The following NOMO3 variants were observed in gnomAD, a reference collection of about 807,000 sequenced individuals.
NOMO3 encodes NODAL modulator 3.
Under a neutral mutation model 69.9 loss-of-function variants are expected in NOMO3, and 15 were observed. That is an observed-to-expected ratio of 0.21 (90% CI 0.14 to 0.33). The LOEUF is 0.33. NOMO3 is among the 10% of genes least tolerant of loss of function. The pLI is 1.00. For synonymous variants in NOMO3, 89 were observed against 301.9 expected (o/e 0.29, Z 7.31); for missense variants, 218 against 761.0 (o/e 0.29, Z 8.39).
chr16:16,235,136 C>T (rs1173498921), intron 1 of NOMO3, among the ~76,000 whole-genome samples: 1 of 150,790 alleles, frequency 6.6e-6, no homozygotes, highest in Non-Finnish European at 1.5e-5. Context: ...TTGTCACTGA[C>T]CTCAGAGAAC....
intron 16 of NOMO3, among the ~76,000 whole-genome samples, chr16:16,269,432 T>A: frequency 7.1e-6 from 1 of 140,110 alleles, no homozygotes; most frequent in Non-Finnish European, 1.5e-5. Context: ...AAACCTGATT[T>A]TTTTTTTTTT....
intron 11 of NOMO3, among the ~76,000 whole-genome samples, chr16:16,259,379 T>G (rs2049545237): frequency 7.0e-6 from 1 of 142,848 alleles, no homozygotes; most frequent in African/African-American, 2.9e-5. Context: ...GCCAGGGTCT[T>G]ACTCCGTTGC....
In NOMO3 at chr16:16,237,913, C is replaced by A. The variant is rs1234045805; in HGVS notation, c.255+923C>A. ...TTCTATTTATAGTTATTCAGATATC[C>A]ACGGGTACACATGCATATGTATATA... On this transcript the variant is annotated intron_variant, in intron 2 of 30. Transcript: ENST00000399336. 2.8e-5 allele frequency among the ~76,000 whole-genome samples: 4 copies of A among 144,494 alleles called. 1 individual carries two copies. Among genetic ancestry groups the A allele is most frequent in the African/African-American group, 1.1e-4 (4 of 36,042 alleles). 94.8% of individuals were successfully genotyped at this position (144,494 alleles called of 152,430 possible).
intron 2 of NOMO3, 149 bp downstream of exon 2, chr16:16,237,139 G>A (rs2049332993): frequency 4.8e-6 from 4 of 830,028 alleles, no homozygotes; most frequent in Non-Finnish European, 5.6e-6. Context: ...CATTTGGAGG[G>A]AGACAACTTA....
chr16:16,256,338 C>T (rs2049512209), intron 11 of NOMO3, among the ~76,000 whole-genome samples, 180 bp downstream of exon 11: 1 of 121,578 alleles, frequency 8.2e-6, no homozygotes, highest in South Asian at 2.7e-4. Context: ...TGCAGTGGTG[C>T]CATCTCGACT....
intron 9 of NOMO3, among the ~76,000 whole-genome samples, chr16:16,254,659 A>T (rs2141254398): frequency 7.0e-6 from 1 of 143,264 alleles, no homozygotes; most frequent in South Asian, 2.2e-4. Context: ...CCCTGTCTCC[A>T]TGAGGTAACA....
intron 11 of NOMO3, among the ~76,000 whole-genome samples, chr16:16,257,841 A>G (rs2141256174): frequency 7.0e-6 from 1 of 143,416 alleles, no homozygotes; most frequent in Admixed American, 6.8e-5. Flanking sequence ...AATGGAAGAC[A>G]GGGAAGCAAA....
Position 16,243,840 on chromosome 16 carries a change from T to TCAGGGATGGCCTTTTA in NOMO3, c.402+588_402+603dup, listed in dbSNP as rs532119265. On this transcript the variant is annotated intron_variant, in intron 4 of 30. Coordinates refer to ENST00000399336, the MANE Select transcript of NOMO3 (RefSeq NM_001004067.4). ...CACCCAGCCGCTGTTAGCGTTTATG[T>TCAGGGATGGCCTTTTA]CAGGGATGGCCTTTTACAGGGATGC... is the stretch of plus-strand genomic sequence containing the variant. Among the ~76,000 whole-genome samples the TCAGGGATGGCCTTTTA allele has an allele frequency of 5.0e-3, 718 of 143,384 alleles. 101 individuals carry two copies. Among genetic ancestry groups the TCAGGGATGGCCTTTTA allele is most frequent in the Middle Eastern group, 0.024 (7 of 292 alleles). The allele number at this position is 143,384 out of a possible 152,430, so 94.1% of individuals were successfully genotyped here.
intron 9 of NOMO3, among the ~76,000 whole-genome samples, chr16:16,253,738 A>G (rs1477188296): frequency 7.5e-5 from 7 of 93,670 alleles, no homozygotes; most frequent in East Asian, 3.6e-4. Flanking sequence ...TTGGACCGTG[A>G]TGGTAGGAAT....
At chr16:16,263,356 G>C (rs1450907428) in intron 13 of NOMO3, 141 bp downstream of exon 13, 6 of 1,574,722 alleles carry the variant, frequency 3.8e-6, no homozygotes, top group Non-Finnish European at 5.1e-6. Flanking sequence ...GAGTCAGGTG[G>C]GTACATGTTA....
chr16:16,255,805 C>T lies in NOMO3; in HGVS notation c.1049C>T (p.Thr350Ile), dbSNP rs374363601. Reference sequence around the variant, plus strand: ...GATGGTGTTCCAGAAGCAGTAGTCACCCTGAATAACCAAATCAAAGGTGGG... The same window carrying T: ...GATGGTGTTCCAGAAGCAGTAGTCATCCTGAATAACCAAATCAAAGGTGGG... ...EGDGVPEAVV[T>I]LNNQIKVKTK... The change falls in exon 10 of 31, where the codon ACC (threonine) becomes ATC (isoleucine). Residue 350 changes from threonine to isoleucine, a missense_variant. By Grantham distance (89) the Thr-to-Ile change is moderately conservative (BLOSUM62 -1). Coordinates refer to ENST00000399336, the MANE Select transcript of NOMO3 (RefSeq NM_001004067.4). 1.1e-4 allele frequency: 179 copies of T among 1,561,404 alleles called. 6 individuals carry two copies. Among genetic ancestry groups the T allele is most frequent in the Admixed American group, 1.4e-4 (8 of 56,900 alleles).
In NOMO3 at chr16:16,244,107, C is replaced by T. The variant is rs530831272; in HGVS notation, c.402+846C>T. 2.4e-3 allele frequency among the ~76,000 whole-genome samples: 344 copies of T among 143,230 alleles called. 31 individuals are homozygous for T. The highest frequency in any genetic ancestry group is 4.0e-3 in the African/African-American group (143 of 35,354). 94.0% of individuals were successfully genotyped at this position (143,230 alleles called of 152,430 possible). On this transcript the variant is annotated intron_variant, in intron 4 of 30. Transcript: ENST00000399336. ...AGGGGAGAGTCATTTCTCCTCCACC[C>T]GCCCTGTGCCTGCGGTTGAGATGTG...
At chr16:16,238,046 G>A (rs1285690129) in intron 2 of NOMO3, among the ~76,000 whole-genome samples, 1 of 139,902 alleles carries the variant, frequency 7.1e-6, no homozygotes, top group East Asian at 2.4e-4. Context: ...CAGATTCATA[G>A]GAAGTTGCAA....
At chr16:16,236,397 A>G (rs1361678475) in intron 1 of NOMO3, among the ~76,000 whole-genome samples, 3 of 141,304 alleles carry the variant, frequency 2.1e-5, no homozygotes, top group Non-Finnish European at 4.5e-5. Flanking sequence ...GGTGCCTGCC[A>G]CCATGCCTGG....
intron 2 of NOMO3, among the ~76,000 whole-genome samples, chr16:16,239,410 C>G: frequency 6.8e-6 from 1 of 146,290 alleles, no homozygotes; most frequent in South Asian, 2.1e-4. Flanking sequence ...CCTGCCTTGG[C>G]CTCCCACAGT....
chr16:16,253,818 CACTT>C (rs1276584944), intron 9 of NOMO3, among the ~76,000 whole-genome samples: 2 of 95,316 alleles, frequency 2.1e-5, no homozygotes, highest in Non-Finnish European at 3.8e-5. Flanking sequence ...TTTTTCATCT[CACTT>C]ACGTCTCCTT....
intron 16 of NOMO3, among the ~76,000 whole-genome samples, chr16:16,268,259 A>G (rs1158567244): frequency 6.9e-6 from 1 of 145,440 alleles, no homozygotes; most frequent in African/African-American, 2.8e-5. Context: ...ATACCTAGGA[A>G]TGGAATTGCT....
intron 20 of NOMO3, among the ~76,000 whole-genome samples, 192 bp downstream of exon 20, chr16:16,274,267 A>G (rs1480649638): frequency 3.2e-5 from 4 of 124,880 alleles, no homozygotes; most frequent in Non-Finnish European, 5.1e-5. Context: ...GGTTGGATGG[A>G]TGGATGGATG....
intron 2 of NOMO3, among the ~76,000 whole-genome samples, chr16:16,237,917 G>A (rs2049341761): frequency 1.4e-5 from 2 of 143,992 alleles, no homozygotes; most frequent in Admixed American, 1.4e-4. Context: ...GATATCCACG[G>A]GTACACATGC....
Sources: gnomAD v4.1 joint callset for allele counts (sites outside exome capture counted in the v4.1 genomes callset) on GRCh38, gnomAD v4.1.1 for gene constraint, MANE v1.5 for transcripts, NCBI Gene and HGNC (gene_info 2026-07-23, HGNC 2026-07-21) for gene names.